Variants in ITSN1 observed in about 807,000 individuals in gnomAD.
ITSN1 encodes intersectin-1.
A neutral mutation model predicts 239.8 loss-of-function variants in ITSN1; 58 were observed. That is an observed-to-expected ratio of 0.24 (90% confidence interval 0.20 to 0.30). The LOEUF (loss-of-function observed/expected upper bound fraction) is 0.30. ITSN1 is among the 10% of genes least tolerant of loss of function. The probability of loss-of-function intolerance (pLI) is 1.00; values close to 1 mark genes in which losing one functional copy is unlikely to be tolerated. For missense variants in ITSN1, 1,558 were observed against 2,103.3 expected (o/e 0.74, Z 5.07); for synonymous variants, 780 against 770.8 (o/e 1.01, Z -0.20).
intron 9 of ITSN1, among the ~76,000 whole-genome samples, chr21:33,763,983 C>T (rs1276464997): frequency 6.6e-6 from 1 of 152,198 alleles, no homozygotes; most frequent in African/African-American, 2.4e-5. Flanking sequence ...TATGAAAGAG[C>T]TTGCCTTTGG....
chr21:33,858,858 T>G, intron 31 of ITSN1, 66 bp downstream of exon 31: 1 of 845,478 alleles, frequency 1.2e-6, no homozygotes, highest in Non-Finnish European at 2.0e-6. Context: ...CGCACCTCTG[T>G]GGGTCTGTGT....
chr21:33,700,442 C>T (rs553713290), intron 1 of ITSN1, among the ~76,000 whole-genome samples: 32 of 152,234 alleles, frequency 2.1e-4, no homozygotes, highest in Admixed American at 5.9e-4. Flanking sequence ...CCTCTGGCCT[C>T]TAATACCTTC....
chr21:33,704,923 T>TAAAAAAAAAAAA (rs55966725), intron 1 of ITSN1, among the ~76,000 whole-genome samples: 29 of 93,640 alleles, frequency 3.1e-4, no homozygotes, highest in African/African-American at 5.2e-4. Flanking sequence ...CCATCTCTAC[T>TAAAAAAAAAAAA]AAAAAAAAAA....
chr21:33,845,448 A>G (rs2074962705), intron 29 of ITSN1, among the ~76,000 whole-genome samples: 1 of 152,022 alleles, frequency 6.6e-6, no homozygotes, highest in Non-Finnish European at 1.5e-5. Flanking sequence ...GAGCTATTCT[A>G]AAAACATCAC....
At position 33,896,633 on chromosome 21, in the gene ITSN1, G is replaced by C. The variant is rs1052915085; in HGVS notation, c.*8333G>C. ...AGGATCCCATGTATGGGGATGGTAG[G>C]AGAGAAAAGATCCCTCTGTGTAAGT... On this transcript the variant is annotated 3_prime_UTR_variant, in exon 40 of 40. Coordinates refer to ENST00000381318, the MANE Select transcript of ITSN1 (RefSeq NM_003024.3). 1 of 152,242 alleles carries C rather than the reference G, an allele frequency of 6.6e-6. No homozygotes were observed. The highest frequency in any genetic ancestry group is 2.4e-5 in the African/African-American group (1 of 41,466). 9.4% of individuals were successfully genotyped at this position (152,242 alleles called of 1,614,324 possible).
intron 1 of ITSN1, among the ~76,000 whole-genome samples, chr21:33,702,978 G>A (rs2146839731): frequency 6.6e-6 from 1 of 152,148 alleles, no homozygotes; most frequent in Middle Eastern, 3.4e-3. Context: ...TCGGGAGGCT[G>A]AGATGGAAAA....
intron 1 of ITSN1, among the ~76,000 whole-genome samples, chr21:33,675,519 G>T (rs1173921590): frequency 1.3e-5 from 2 of 152,170 alleles, no homozygotes; most frequent in African/African-American, 4.8e-5. Context: ...GTGAGCCGAG[G>T]TTGCGCCACT....
intron 5 of ITSN1, among the ~76,000 whole-genome samples, chr21:33,736,473 A>C (rs1043499075): frequency 8.5e-5 from 13 of 152,240 alleles, no homozygotes; most frequent in Admixed American, 2.6e-4. Context: ...TAGTGGTCCA[A>C]GAAAAGAAAG....
chr21:33,647,517 A>G (rs951703892), intron 1 of ITSN1, among the ~76,000 whole-genome samples: 4 of 151,792 alleles, frequency 2.6e-5, no homozygotes, highest in African/African-American at 9.7e-5. Flanking sequence ...ATTTTTTCAG[A>G]CGGAGTCTCA....
At chr21:33,730,391 T>C (rs1025950761) in intron 4 of ITSN1, among the ~76,000 whole-genome samples, 1 of 123,164 alleles carries the variant, frequency 8.1e-6, no homozygotes, top group East Asian at 2.3e-4. Context: ...CTCTGTTCTT[T>C]TTTTTTTTTT....
Position 33,878,309 on chromosome 21 carries a change from A to G in ITSN1, c.4341+2788A>G, listed in dbSNP as rs561960473. On this transcript the variant is annotated intron_variant, in intron 34 of 39. Coordinates refer to ENST00000381318, the MANE Select transcript of ITSN1 (RefSeq NM_003024.3). ...TAACCTCCCAAAGTGCTGGGATTACAGGTGTGAGCCACCACGCCTGGCCAG... is the reference window on the plus strand; with the variant it reads ...TAACCTCCCAAAGTGCTGGGATTACGGGTGTGAGCCACCACGCCTGGCCAG... Among the ~76,000 whole-genome samples, 3 of 152,246 alleles carry G rather than the reference A, an allele frequency of 2.0e-5. No homozygotes were observed. The South Asian group carries it at 6.2e-4, about 32-fold the overall frequency.
intron 1 of ITSN1, among the ~76,000 whole-genome samples, chr21:33,648,787 T>TG (rs745765442): frequency 1.5e-4 from 22 of 151,556 alleles, no homozygotes; most frequent in Non-Finnish European, 3.2e-4. Flanking sequence ...AGGCTGCAGA[T>TG]GCCACAGCAC....
At chr21:33,685,315 C>T (rs1004945346) in intron 1 of ITSN1, among the ~76,000 whole-genome samples, 12 of 152,090 alleles carry the variant, frequency 7.9e-5, no homozygotes, top group Non-Finnish European at 1.5e-4. Flanking sequence ...TAAATAGGGA[C>T]GTATTTGCAA....
At chr21:33,842,817 C>A (rs1484251895) in intron 29 of ITSN1, among the ~76,000 whole-genome samples, 1 of 152,118 alleles carries the variant, frequency 6.6e-6, no homozygotes, top group African/African-American at 2.4e-5. Context: ...AACTCTGACC[C>A]AGGAGAGGGG....
At chr21:33,761,204 T>C (rs539184533) in intron 8 of ITSN1, among the ~76,000 whole-genome samples, 17 of 152,130 alleles carry the variant, frequency 1.1e-4, no homozygotes, top group Admixed American at 4.6e-4. Flanking sequence ...GCATCCCGAG[T>C]AACTGTGACC....
chr21:33,650,604 A>G (rs541211635), intron 1 of ITSN1, among the ~76,000 whole-genome samples: 139 of 152,376 alleles, frequency 9.1e-4, no homozygotes, highest in Non-Finnish European at 1.6e-3. Context: ...AACTTAAGAT[A>G]GTAGATTTTA....
At chr21:33,883,487 A>C in intron 35 of ITSN1, 63 bp from the exon 36 acceptor site, 3 of 1,595,662 alleles carry the variant, frequency 1.9e-6, no homozygotes, top group Non-Finnish European at 2.6e-6. Flanking sequence ...TCACACACTC[A>C]CGGTTTACCG....
intron 1 of ITSN1, among the ~76,000 whole-genome samples, chr21:33,683,804 A>C (rs537132683): frequency 1.9e-4 from 29 of 152,324 alleles, no homozygotes; most frequent in African/African-American, 5.8e-4. Flanking sequence ...CTCAGTGACC[A>C]GTTTTCATTT....
chr21:33,689,348 G>A (rs956683547), intron 1 of ITSN1: 16 of 152,088 alleles, frequency 1.1e-4, no homozygotes, highest in Non-Finnish European at 2.9e-5. Flanking sequence ...TCCCAAATGC[G>A]GCATCTGTGT....
Sources: gnomAD v4.1 joint callset for allele counts (sites outside exome capture counted in the v4.1 genomes callset) on GRCh38, gnomAD v4.1.1 for gene constraint, MANE v1.5 for transcripts, NCBI Gene and HGNC (gene_info 2026-07-23, HGNC 2026-07-21) for gene names.